Variants in LRRFIP2 observed in about 807,000 individuals in gnomAD.
LRRFIP2 encodes LRR binding FLII interacting protein 2.
A neutral mutation model predicts 125.9 loss-of-function variants in LRRFIP2; 109 were observed. The ratio of observed to expected loss-of-function variants is 0.87; its 90% confidence interval spans 0.74 to 1.01. The LOEUF (loss-of-function observed/expected upper bound fraction) is 1.01. Among genes scored for constraint, LRRFIP2 ranks in the 50% least tolerant of loss-of-function variants. The pLI is 0.00. For synonymous variants in LRRFIP2, 291 were observed against 293.1 expected (o/e 0.99, Z 0.07); for missense variants, 850 against 862.3 (o/e 0.99, Z 0.18).
chr3:37,127,591 A>T (rs1336213414), intron 4 of LRRFIP2, 39 bp downstream of exon 4: 7 of 1,598,150 alleles, frequency 4.4e-6, no homozygotes, highest in Non-Finnish European at 4.3e-6. Context: ...TTATTTCAGC[A>T]ATTGATCACA....
chr3:37,063,909 C>T (rs1379544435), intron 23 of LRRFIP2, 118 bp from the exon 24 acceptor site: 9 of 718,088 alleles, frequency 1.3e-5, no homozygotes, highest in Non-Finnish European at 2.2e-5. Flanking sequence ...TTACTTACAG[C>T]TCTGAATATC....
chr3:37,101,759 A>G (rs1012139621), intron 15 of LRRFIP2, among the ~76,000 whole-genome samples: 1 of 152,142 alleles, frequency 6.6e-6, no homozygotes, highest in African/African-American at 2.4e-5. Context: ...TACAATCAGT[A>G]TAGCCTTGGT....
chr3:37,116,012 C>A (rs1489900111), intron 6 of LRRFIP2, among the ~76,000 whole-genome samples: 1 of 152,138 alleles, frequency 6.6e-6, no homozygotes, highest in Non-Finnish European at 1.5e-5. Context: ...TCTTTTCCAA[C>A]TCTTATATTC....
chr3:37,112,824 A>G, intron 8 of LRRFIP2, 91 bp downstream of exon 8: 1 of 638,562 alleles, frequency 1.6e-6, no homozygotes, highest in Non-Finnish European at 2.7e-6. Flanking sequence ...TCAAGTTTCA[A>G]TAATGTCCTA....
At chr3:37,055,913 C>T (rs140099012) in intron 25 of LRRFIP2, among the ~76,000 whole-genome samples, 18 of 152,306 alleles carry the variant, frequency 1.2e-4, no homozygotes, top group African/African-American at 4.3e-4. Flanking sequence ...TCCTTTTCTC[C>T]CACCTCTGAC....
chr3:37,176,268 G>T (rs186385005), upstream of LRRFIP2: 18 of 152,382 alleles, frequency 1.2e-4, no homozygotes, highest in Admixed American at 1.0e-3. Context: ...TCTGCGCCGC[G>T]GCTGAGACAG....
chr3:37,118,856 A>G (rs1240531015), intron 6 of LRRFIP2, among the ~76,000 whole-genome samples: 2 of 152,234 alleles, frequency 1.3e-5, no homozygotes, highest in East Asian at 3.8e-4. Flanking sequence ...TGAGAAATGC[A>G]TAACTCCAAA....
chr3:37,116,392 C>T (rs1288288789), intron 6 of LRRFIP2, among the ~76,000 whole-genome samples: 1 of 152,072 alleles, frequency 6.6e-6, no homozygotes, highest in African/African-American at 2.4e-5. Context: ...CTACCTCAGC[C>T]TTCCAAAGGG....
chr3:37,149,474 G>A (rs868567592), intron 1 of LRRFIP2, among the ~76,000 whole-genome samples: 7 of 151,842 alleles, frequency 4.6e-5, no homozygotes, highest in African/African-American at 1.2e-4. Context: ...CCAAGATTGC[G>A]CCACAGCACT....
In LRRFIP2 at chr3:37,054,395, A is replaced by G. The variant is rs2148569779; in HGVS notation, c.2055+16T>C. Reference sequence around the variant, plus strand: ...TTTAGGAATGTATTCTCCAAGAAACATATTAAAAGAAGTACCTCTCGTTGT... The same window carrying G: ...TTTAGGAATGTATTCTCCAAGAAACGTATTAAAAGAAGTACCTCTCGTTGT... On this transcript the variant is annotated intron_variant, in intron 27 of 27. Coordinates refer to ENST00000336686, the MANE Select transcript of LRRFIP2 (RefSeq NM_006309.4). 1.9e-6 allele frequency: 3 copies of G among 1,579,172 alleles called. No homozygotes were observed. The highest frequency in any genetic ancestry group is 3.3e-4 in the Middle Eastern group (2 of 5,976).
At chr3:37,115,180 T>A (rs2094723158) in intron 6 of LRRFIP2, 85 bp from the exon 7 acceptor site, 2 of 935,848 alleles carry the variant, frequency 2.1e-6, no homozygotes, top group African/African-American at 3.3e-5. Context: ...GAGGTTATTT[T>A]AAAAATCCAG....
At chr3:37,056,427 A>G (rs1249182607) in intron 25 of LRRFIP2, among the ~76,000 whole-genome samples, 1 of 151,874 alleles carries the variant, frequency 6.6e-6, no homozygotes, top group Non-Finnish European at 1.5e-5. Flanking sequence ...GGTTACAATT[A>G]CTTATACAGT....
intron 2 of LRRFIP2, chr3:37,134,903 C>T: frequency 3.0e-6 from 4 of 1,335,572 alleles, no homozygotes; most frequent in Non-Finnish European, 4.3e-6. Flanking sequence ...ACAGTAATGG[C>T]AGCATTTGTC....
At chr3:37,100,999 C>T (rs189830161) in intron 15 of LRRFIP2, among the ~76,000 whole-genome samples, 2 of 152,150 alleles carry the variant, frequency 1.3e-5, no homozygotes, top group East Asian at 1.9e-4. Flanking sequence ...TATTTAAATA[C>T]GATCAGTGAA....
chr3:37,124,738 TAAGAAAAA>T (rs1026523216), intron 4 of LRRFIP2, among the ~76,000 whole-genome samples: 1 of 152,030 alleles, frequency 6.6e-6, no homozygotes, highest in African/African-American at 2.4e-5. Flanking sequence ...ACCAATTACA[TAAGAAAAA>T]AAGAAAGAAA....
intron 25 of LRRFIP2, among the ~76,000 whole-genome samples, chr3:37,055,782 A>C (rs2086666157): frequency 6.6e-6 from 1 of 151,868 alleles, no homozygotes; most frequent in Non-Finnish European, 1.5e-5. Context: ...GCCCCTACCA[A>C]CCCTGTGTGT....
At chr3:37,069,943 T>C (rs2090869015) in intron 21 of LRRFIP2, among the ~76,000 whole-genome samples, 1 of 152,092 alleles carries the variant, frequency 6.6e-6, no homozygotes, top group African/African-American at 2.4e-5. Flanking sequence ...ATTAAGGCTA[T>C]GACTATAAAA....
chr3:37,070,803 A>G (rs1192695367), intron 21 of LRRFIP2, among the ~76,000 whole-genome samples: 1 of 152,140 alleles, frequency 6.6e-6, no homozygotes, highest in East Asian at 1.9e-4. Flanking sequence ...GAGACATCTG[A>G]GGGGTTTCTA....
At chr3:37,127,420 T>C (rs1340060667) in intron 4 of LRRFIP2, among the ~76,000 whole-genome samples, 3 of 152,088 alleles carry the variant, frequency 2.0e-5, no homozygotes, top group Admixed American at 1.3e-4. Context: ...GGAGCATTCA[T>C]GAGATGAAGG....
Sources: allele counts gnomAD v4.1 joint callset (sites outside exome capture counted in the v4.1 genomes callset), GRCh38; gene constraint gnomAD v4.1.1; transcripts MANE v1.5; gene names NCBI Gene and HGNC (gene_info 2026-07-23, HGNC 2026-07-21).